Variants in USP9Y observed in about 807,000 individuals in gnomAD.
The protein encoded by USP9Y is ubiquitin specific peptidase 9 Y-linked.
Under a neutral mutation model 53.1 loss-of-function variants are expected in USP9Y, and 41 were observed. The observed-to-expected ratio is 0.77, with a 90% CI of 0.60 to 1.00. The LOEUF is 1.00. USP9Y is among the 50% of genes least tolerant of loss of function. The probability of loss-of-function intolerance (pLI) is 0.00; values close to 1 mark genes in which losing one functional copy is unlikely to be tolerated. For missense variants in USP9Y, 567 were observed against 535.8 expected (o/e 1.06, Z -0.58); for synonymous variants, 220 against 173.7 (o/e 1.27, Z -2.09).
intron 33 of USP9Y, among the ~76,000 whole-genome samples, chrY:12,819,782 G>T: frequency 3.2e-5 from 1 of 31,016 alleles, no homozygotes; most frequent in East Asian, 8.1e-4. Context: ...GTAAAGTGAT[G>T]ATTCCCTAAC....
intron 24 of USP9Y, among the ~76,000 whole-genome samples, chrY:12,788,365 A>G (rs2053504040): frequency 2.9e-5 from 1 of 34,100 alleles, no homozygotes; most frequent in Admixed American, 2.7e-4. Flanking sequence ...CTTTGCTGAC[A>G]TGAAAAACTC....
Position 12,860,095 on chromosome Y carries a change from T to G in USP9Y, c.*679T>G, listed in dbSNP as rs762693768. On this transcript the variant is annotated 3_prime_UTR_variant, in exon 46 of 46. Transcript: ENST00000338981. ...GAGGACAGAATTACATGAATGACAG[T>G]GCCCAGAGTGACAGCTGTATATTGC... The G allele has an allele frequency of 3.0e-5, 1 of 33,636 alleles. No homozygotes were observed. The highest frequency in any genetic ancestry group is 6.4e-4 in the South Asian group (1 of 1,562). The allele number at this position is 33,636 out of a possible 400,897, so 8.4% of individuals were successfully genotyped here. A position where few individuals can be genotyped will look rare whatever the true frequency, so the allele number is the denominator to read the frequency against.
rs1208596185 is a variant in USP9Y at position 12,790,537 on chromosome Y, G to C, written c.3687+5G>C. On this transcript the variant is annotated splice_donor_5th_base_variant and intron_variant, in intron 25 of 45. Transcript: ENST00000338981. ...GCTCAGGAAATATCTAATGAGGTTA[G>C]TATGAAAGTTAGACAGTTCTGGGAT... The C allele has an allele frequency of 2.5e-6, 1 of 393,757 alleles. No homozygotes were observed. Among genetic ancestry groups the C allele is most frequent in the South Asian group, 3.0e-5 (1 of 33,655 alleles).
At chrY:12,793,001 A>G in intron 26 of USP9Y, 31 bp from the exon 27 acceptor site, 1 of 391,530 alleles carries the variant, frequency 2.6e-6, no homozygotes, top group Non-Finnish European at 3.6e-6. Context: ...ATATGTCTCT[A>G]GGTAACTTGC....
Position 12,859,720 on chromosome Y carries a change from AGT to A in USP9Y, c.*305_*306del, listed in dbSNP as rs1376893386. On this transcript the variant is annotated 3_prime_UTR_variant, in exon 46 of 46. Transcript: ENST00000338981. ...CAAGAAACTTTTTTTGATGAAAACA[AGT>A]CAGATCTACACAGTCACACAATTAT... 1.9e-5 allele frequency: 1 copy of A among 53,696 alleles called. No homozygotes were observed. The highest frequency in any genetic ancestry group is 4.2e-5 in the Non-Finnish European group (1 of 23,658). 13.4% of individuals were successfully genotyped at this position (53,696 alleles called of 400,897 possible).
At chrY:12,767,922 C>A (rs758651744) in intron 15 of USP9Y, among the ~76,000 whole-genome samples, 10 of 32,210 alleles carry the variant, frequency 3.1e-4, no homozygotes, top group Non-Finnish European at 7.6e-4. Context: ...AATCTCAGCT[C>A]AGTGCCACCT....
intron 22 of USP9Y, among the ~76,000 whole-genome samples, chrY:12,785,806 C>T: frequency 3.0e-5 from 1 of 33,433 alleles, no homozygotes; most frequent in Non-Finnish European, 7.4e-5. Context: ...GAAGAAATGT[C>T]TGTTAACATC....
At chrY:12,804,360 T>C in intron 27 of USP9Y, among the ~76,000 whole-genome samples, 1 of 33,678 alleles carries the variant, frequency 3.0e-5, no homozygotes, top group East Asian at 7.8e-4. Context: ...AGCCTTTTAA[T>C]ATAATACTGT....
In USP9Y at chrY:12,739,605, T is replaced by C; in HGVS notation, c.1398T>C (p.Leu466=). The C allele has an allele frequency of 2.5e-6, 1 of 394,343 alleles. No homozygotes were observed. The highest frequency in any genetic ancestry group is 3.6e-6 in the Non-Finnish European group (1 of 279,716). ...KLAWDFSPGQ[L]DHLFDCFKAS... is the part of the protein sequence containing the mutation. ...CTTGGGATTTTTCTCCTGGACAACT[T>C]GATCATCTTTTTGATTGCTTTAAGG... Residue 466 remains leucine, a synonymous_variant, in exon 12 of 46, where the codon CTT becomes CTC. Transcript: ENST00000338981.
chrY:12,754,727 A>G, intron 12 of USP9Y, among the ~76,000 whole-genome samples: 1 of 33,212 alleles, frequency 3.0e-5, no homozygotes, highest in South Asian at 6.6e-4. Flanking sequence ...GAGGTGGTCT[A>G]TCTTGTGTGT....
intron 31 of USP9Y, among the ~76,000 whole-genome samples, chrY:12,814,514 A>C (rs372574710): frequency 4.3e-3 from 68 of 15,666 alleles, no homozygotes; most frequent in African/African-American, 0.017. Context: ...GGCGACAGAG[A>C]GAGACTCCGT....
intron 12 of USP9Y, among the ~76,000 whole-genome samples, chrY:12,753,315 A>G (rs1038531245): frequency 3.0e-5 from 1 of 32,920 alleles, no homozygotes; most frequent in Non-Finnish European, 7.5e-5. Flanking sequence ...TTGTTTTTTG[A>G]TTAGTTAGTT....
intron 42 of USP9Y, 66 bp from the exon 43 acceptor site, chrY:12,856,274 T>C: frequency 3.2e-6 from 1 of 309,318 alleles, no homozygotes; most frequent in Non-Finnish European, 4.8e-6. Context: ...AAATGGCACA[T>C]AATTAGGAAC....
rs1409948779 is a variant in USP9Y, at chrY:12,705,184, T to C, written c.-121+3129T>C. Among the ~76,000 whole-genome samples, 7 of 33,585 alleles carry C rather than the reference T, an allele frequency of 2.1e-4. No individual in the cohort carries two copies. The East Asian group carries it at 5.3e-3, about 26-fold the overall frequency. The allele number at this position is 33,585 out of a possible 37,273, so 90.1% of individuals were successfully genotyped here. ...GTTTTATTTTTAGTTTTTCTCGATA[T>C]ATTTTCTAATTGTCATTTTAATGTT... On this transcript the variant is annotated intron_variant, in intron 1 of 45. Transcript: ENST00000338981.
At chrY:12,716,809 C>G in intron 3 of USP9Y, among the ~76,000 whole-genome samples, 1 of 32,628 alleles carries the variant, frequency 3.1e-5, no homozygotes, top group Non-Finnish European at 7.5e-5. Context: ...GGGGTATCAC[C>G]GTGTTAGCCA....
Position 12,735,668 on chromosome Y carries a change from G to A in USP9Y, c.714G>A (p.Leu238=). 2.5e-6 allele frequency: 1 copy of A among 395,961 alleles called. No individual in the cohort carries two copies. Among genetic ancestry groups the A allele is most frequent in the Non-Finnish European group, 3.5e-6 (1 of 282,039 alleles). Reference sequence around the variant, plus strand: ...GCACATTAAATGGGTTCCAGATTTTGCATGATCGTTTTTTTAATGGATCAG... The same window carrying A: ...GCACATTAAATGGGTTCCAGATTTTACATGATCGTTTTTTTAATGGATCAG... ...KFGTLNGFQI[L]HDRFFNGSAL... Residue 238 remains leucine (L), a synonymous_variant, in exon 8 of 46, where the codon TTG becomes TTA. Transcript: ENST00000338981.
chrY:12,802,166 A>G, intron 27 of USP9Y: 1 of 34,382 alleles, frequency 2.9e-5, no homozygotes, highest in East Asian at 7.7e-4. Flanking sequence ...AATTTGAACC[A>G]TAACCTTCTG....
chrY:12,772,095 G>A (rs758397548), intron 16 of USP9Y, among the ~76,000 whole-genome samples: 20 of 33,081 alleles, frequency 6.0e-4, no homozygotes, highest in African/African-American at 2.1e-3. Context: ...TAATCAAAGG[G>A]GGAAGCTATA....
chrY:12,858,484 G>T (rs2053579859), intron 45 of USP9Y, among the ~76,000 whole-genome samples: 1 of 31,221 alleles, frequency 3.2e-5, no homozygotes, highest in African/African-American at 1.2e-4. Flanking sequence ...GCACCATCAC[G>T]CCCAGCTAAT....
Sources: allele counts gnomAD v4.1 joint callset (sites outside exome capture counted in the v4.1 genomes callset), GRCh38; gene constraint gnomAD v4.1.1; transcripts MANE v1.5; gene names NCBI Gene and HGNC (gene_info 2026-07-23, HGNC 2026-07-21).